The following PSG6 variants were observed in gnomAD, a reference collection of about 807,000 sequenced individuals.
PSG6 encodes the protein pregnancy-specific beta-1-glycoprotein 6.
PSG6 carries 51 observed loss-of-function variants against 43.3 expected under a neutral mutation model. The observed-to-expected ratio is 1.18, with a 90% confidence interval of 0.94 to 1.49. The LOEUF is 1.49. PSG6 is among the 40% of genes most tolerant of loss of function. The probability of loss-of-function intolerance (pLI) is 0.00; values close to 1 mark genes in which losing one functional copy is unlikely to be tolerated. For missense variants in PSG6, 770 were observed against 522.2 expected, an observed-to-expected ratio of 1.47 and a Z score of -4.62; for synonymous variants, 292 against 197.6, an observed-to-expected ratio of 1.48 and a Z score of -4.01.
In PSG6 at chr19:42,905,292, T is replaced by C. The variant is rs1285991713; in HGVS notation, c.1240+1630A>G. On this transcript the variant is annotated intron_variant, in intron 5 of 5. Coordinates refer to ENST00000187910, the MANE Select transcript of PSG6 (RefSeq NM_001031850.4). ...ACTTCATAAAAATCAAAACCTTTTA[T>C]ATAGCCCATGCAAAGTTCCTCAGCA... is the stretch of plus-strand genomic sequence containing the variant. 3.3e-5 allele frequency among the ~76,000 whole-genome samples: 5 copies of C among 151,762 alleles called. 1 individual carries two copies. Among genetic ancestry groups the C allele is most frequent in the Non-Finnish European group, 7.4e-5 (5 of 67,926 alleles).
In PSG6 at chr19:42,907,624, C is replaced by G. The variant is rs1299241940; in HGVS notation, c.937G>C (p.Asp313His). ...ETGPYQCEIR[D>H]RYGGIRSNPV... Reference sequence around the variant, plus strand: ...TTACTGCGGATGCCACCATATCGGTCCCGTATTTCACATTGATAGGGTCCT... The same window carrying G: ...TTACTGCGGATGCCACCATATCGGTGCCGTATTTCACATTGATAGGGTCCT... Residue 313 changes from aspartate to histidine, a missense_variant, in exon 4 of 6, where the codon GAC (aspartate) becomes CAC (histidine). Asp to His is a moderately conservative substitution (Grantham distance 81). Coordinates refer to ENST00000187910, the MANE Select transcript of PSG6 (RefSeq NM_001031850.4). 3 of 1,611,884 alleles carry G rather than the reference C, an allele frequency of 1.9e-6. No individual in the cohort carries two copies. Among genetic ancestry groups the G allele is most frequent in the Middle Eastern group, 3.6e-4 (2 of 5,538 alleles).
intron 3 of PSG6, among the ~76,000 whole-genome samples, chr19:42,909,190 C>T (rs770949312): frequency 6.6e-6 from 1 of 151,524 alleles, no homozygotes; most frequent in Non-Finnish European, 1.5e-5. Context: ...GGTGATAAGC[C>T]AGATATATTC....
intron 3 of PSG6, among the ~76,000 whole-genome samples, chr19:42,908,329 G>T (rs1319875228): frequency 1.3e-5 from 2 of 151,764 alleles, no homozygotes; most frequent in Non-Finnish European, 2.9e-5. Flanking sequence ...AAACCCTGCA[G>T]ATACTGAGCA....
At chr19:42,906,413 CCAGG>C (rs879737956) in intron 5 of PSG6, among the ~76,000 whole-genome samples, 2,046 of 151,566 alleles carry the variant, frequency 0.013, 81 homozygotes, top group African/African-American at 0.047. Flanking sequence ...TCAGGCAGGG[CCAGG>C]CCAGTCACCA....
Position 42,916,192 on chromosome 19 carries a change from G to A in PSG6, c.360C>T (p.Thr120=), listed in dbSNP as rs761696551. ...NVTQEDAGSY[T]LHIIKRGDGT... The stretch of plus-strand genomic sequence containing the variant: ...CATCGCCTCGCTTTATGATGTGTAA[G>A]GTGTAGGATCCTGCATCCTCCTGTG... The change falls in exon 2 of 6, where the codon ACC becomes ACT. Residue 120 remains threonine (T), a synonymous_variant. Transcript: ENST00000187910. 39 of 1,612,046 alleles carry A rather than the reference G, an allele frequency of 2.4e-5. 1 individual carries two copies. The South Asian group carries it at 3.1e-4, about 13-fold the overall frequency.
intron 2 of PSG6, 64 bp downstream of exon 2, chr19:42,916,061 T>G: frequency 1.2e-6 from 2 of 1,600,192 alleles, no homozygotes; most frequent in East Asian, 2.2e-5. Context: ...CTGACAATTC[T>G]GTGTGTGTGA....
Position 42,907,442 on chromosome 19 carries a change from G to A in PSG6, c.985+134C>T, listed in dbSNP as rs537686924. The A allele has an allele frequency of 1.0e-4, 152 of 1,519,248 alleles. 4 individuals are homozygous for A. In the African/African-American group the frequency reaches 1.1e-3, roughly 11 times the overall value. The allele number at this position is 1,519,248 out of a possible 1,614,324, so 94.1% of individuals were successfully genotyped here. A position where few individuals can be genotyped will look rare whatever the true frequency, so the allele number is the denominator to read the frequency against. On this transcript the variant is annotated intron_variant, in intron 4 of 5. Transcript: ENST00000187910. Reference sequence around the variant, plus strand: ...GCCTACCCAGGATTTCCCAGGGCAGGGAGTCATGGCCAGGTCTGATGTCCA... The same window carrying A: ...GCCTACCCAGGATTTCCCAGGGCAGAGAGTCATGGCCAGGTCTGATGTCCA...
In PSG6 at chr19:42,916,454, G is replaced by A. The variant is rs374758763; in HGVS notation, c.98C>T (p.Thr33Ile). 15 of 1,611,656 alleles carry A rather than the reference G, an allele frequency of 9.3e-6. No individual in the cohort carries two copies. The highest frequency in any genetic ancestry group is 5.4e-5 in the African/African-American group (4 of 74,632). The stretch of plus-strand genomic sequence containing the variant: ...CTTGGCTTCAATTATTACTTGGGCA[G>A]TGGTGGGCAGGTTCCAGAAGTTTAA... Reference protein sequence around the residue: ...SLLNFWNLPTTAQVIIEAKPP... With the variant: ...SLLNFWNLPTIAQVIIEAKPP... Residue 33 changes from threonine (T) to isoleucine (I), a missense_variant, in exon 2 of 6, where the codon ACT becomes ATT. Physicochemically the swap from Thr to Ile is moderately conservative, Grantham distance 89 (BLOSUM62 -1). Transcript: ENST00000187910.
In PSG6 at chr19:42,917,827, A is replaced by C. The variant is rs578216859; in HGVS notation, c.-35T>G. On this transcript the variant is annotated 5_prime_UTR_variant, in exon 1 of 6. Coordinates refer to ENST00000187910, the MANE Select transcript of PSG6 (RefSeq NM_001031850.4). ...TGTCTGTGTGTTCTCCCCTGTGGAG[A>C]TGAGCCTAGGATCCAGAGACTTCCT... 2.4e-5 allele frequency: 38 copies of C among 1,599,458 alleles called. 1 individual carries two copies. Among genetic ancestry groups the C allele is most frequent in the South Asian group, 3.4e-5 (3 of 89,282 alleles).
At chr19:42,907,957 C>T (rs997062591) in intron 3 of PSG6, 103 bp from the exon 4 acceptor site, 5 of 1,493,224 alleles carry the variant, frequency 3.3e-6, no homozygotes, top group Non-Finnish European at 4.6e-6. Context: ...CACATGAGTC[C>T]TTGAAAGCCA....
chr19:42,910,564 A>G lies in PSG6; in HGVS notation c.706+16T>C. ...GGGATGGCAGCCTGGCTCACAGAGGAACAGAAGATACTCACGGAGGAGATT... is the reference window on the plus strand; with the variant it reads ...GGGATGGCAGCCTGGCTCACAGAGGGACAGAAGATACTCACGGAGGAGATT... On this transcript the variant is annotated intron_variant, in intron 3 of 5. Coordinates refer to ENST00000187910, the MANE Select transcript of PSG6 (RefSeq NM_001031850.4). 5.6e-6 allele frequency: 9 copies of G among 1,612,506 alleles called. No individual in the cohort carries two copies. Among genetic ancestry groups the G allele is most frequent in the Non-Finnish European group, 7.6e-6 (9 of 1,179,256 alleles).
In PSG6 at chr19:42,905,417, AAAC is replaced by A. The variant is rs1334655586; in HGVS notation, c.1240+1502_1240+1504del. ...AAACAACAACAATGACAGCAACACT[AAAC>A]AACAGGTGTTTCCAAGTAGATGGAA... is the stretch of plus-strand genomic sequence containing the variant. On this transcript the variant is annotated intron_variant, in intron 5 of 5. Coordinates refer to ENST00000187910, the MANE Select transcript of PSG6 (RefSeq NM_001031850.4). Among the ~76,000 whole-genome samples, 3 of 151,724 alleles carry A rather than the reference AAAC, an allele frequency of 2.0e-5. 1 individual carries two copies. The highest frequency in any genetic ancestry group is 7.3e-5 in the African/African-American group (3 of 41,288).
chr19:42,917,783 G>T lies in PSG6; in HGVS notation c.10C>A (p.Leu4Ile), dbSNP rs1600553507. ...TGCTGAGTGCAGGGAGGGGCTGAGA[G>T]GGGTCCCATGGTCTCTGCTGTCTGT... The part of the protein sequence containing the change: MGP[L>I]SAPPCTQHIT... The change falls in exon 1 of 6, where the codon CTC (leucine) becomes ATC (isoleucine). Residue 4 changes from leucine to isoleucine, a missense_variant. Physicochemically the swap from Leu to Ile is conservative, Grantham distance 5. Transcript: ENST00000187910. 1.2e-6 allele frequency: 2 copies of T among 1,609,782 alleles called. 1 individual carries two copies. Among genetic ancestry groups the T allele is most frequent in the Middle Eastern group, 3.3e-4 (2 of 6,042 alleles).
intron 3 of PSG6, among the ~76,000 whole-genome samples, chr19:42,909,166 A>T (rs1213341761): frequency 1.3e-5 from 2 of 151,718 alleles, no homozygotes; most frequent in Non-Finnish European, 2.9e-5. Flanking sequence ...TCAGATTAGT[A>T]GGCAAAAGTG....
At chr19:42,903,021 G>A (rs1215849505) in intron 5 of PSG6, among the ~76,000 whole-genome samples, 6 of 151,584 alleles carry the variant, frequency 4.0e-5, no homozygotes, top group Non-Finnish European at 5.9e-5. Context: ...CTGTCAGGTA[G>A]GCATTATTTC....
chr19:42,902,717 A>G (rs1230393462), intron 5 of PSG6, among the ~76,000 whole-genome samples: 1 of 151,170 alleles, frequency 6.6e-6, no homozygotes, highest in Admixed American at 6.6e-5. Context: ...TACTACCTTC[A>G]TGCCTGCCCC....
At chr19:42,913,160 GCA>G (rs1157214811) in intron 2 of PSG6, among the ~76,000 whole-genome samples, 3 of 151,196 alleles carry the variant, frequency 2.0e-5, no homozygotes, top group Admixed American at 6.6e-5. Context: ...TTCTCTAACA[GCA>G]TTTTTTTTTC....
intron 5 of PSG6, chr19:42,906,538 T>A: frequency 3.1e-6 from 4 of 1,282,668 alleles, no homozygotes; most frequent in Non-Finnish European, 4.0e-6. Context: ...AAGCCTCAGA[T>A]GTTCCTTGTA....
At position 42,916,333 on chromosome 19, in the gene PSG6, C is replaced by A. The variant is rs144793616; in HGVS notation, c.219G>T (p.Thr73=). The part of the protein sequence containing the change: ...TGYIWYKGQM[T]DLYHYITSYV... ...ATGATGTAATGTAATGGTAGAGGTC[C>A]GTCATTTGCCCTTTGTACCAGATGT... Residue 73 remains threonine (T), a synonymous_variant, in exon 2 of 6, where the codon ACG becomes ACT. Coordinates refer to ENST00000187910, the MANE Select transcript of PSG6 (RefSeq NM_001031850.4). 2.5e-6 allele frequency: 4 copies of A among 1,612,018 alleles called. No individual in the cohort carries two copies. Among genetic ancestry groups the A allele is most frequent in the Non-Finnish European group, 3.4e-6 (4 of 1,179,088 alleles).
Sources: gnomAD v4.1 joint callset for allele counts (sites outside exome capture counted in the v4.1 genomes callset) on GRCh38, gnomAD v4.1.1 for gene constraint, MANE v1.5 for transcripts, NCBI Gene and HGNC (gene_info 2026-07-23, HGNC 2026-07-21) for gene names.